Variants in MAGI1 observed in about 807,000 individuals in gnomAD.
MAGI1 encodes membrane-associated guanylate kinase, WW and PDZ domain-containing protein 1.
In MAGI1, 58 loss-of-function variants were observed where a neutral mutation model predicts 139.9. The ratio of observed to expected loss-of-function variants is 0.41; its 90% CI spans 0.34 to 0.52. MAGI1 has a LOEUF of 0.52. Among genes scored for constraint, MAGI1 ranks in the 20% least tolerant of loss-of-function variants. The pLI is 0.12. For missense variants in MAGI1, 1,874 were observed against 1,901.6 expected, an observed-to-expected ratio of 0.99 and a Z score of 0.27; for synonymous variants, 812 against 737.9, an observed-to-expected ratio of 1.10 and a Z score of -1.63.
chr3:65,590,608 T>C (rs1405337082), intron 2 of MAGI1, among the ~76,000 whole-genome samples: 3 of 152,260 alleles, frequency 2.0e-5, no homozygotes, highest in Middle Eastern at 3.4e-3. Flanking sequence ...TACTTAGCTG[T>C]CCCCCCCATT....
chr3:65,663,912 C>A (rs1328794604), intron 1 of MAGI1, among the ~76,000 whole-genome samples: 1 of 152,078 alleles, frequency 6.6e-6, no homozygotes, highest in Non-Finnish European at 1.5e-5. Context: ...AACCACTGAC[C>A]TATAGCAAAG....
intron 1 of MAGI1, chr3:65,907,521 T>C (rs556235876): frequency 6.6e-6 from 1 of 152,300 alleles, no homozygotes; most frequent in Non-Finnish European, 1.5e-5. Flanking sequence ...TATGGAAATA[T>C]AAGCAACGTT....
chr3:65,484,773 C>A (rs1951524114), intron 3 of MAGI1, among the ~76,000 whole-genome samples: 1 of 152,170 alleles, frequency 6.6e-6, no homozygotes, highest in African/African-American at 2.4e-5. Flanking sequence ...ACCTGCTCAT[C>A]CTCAGCAACA....
intron 1 of MAGI1, among the ~76,000 whole-genome samples, chr3:66,001,396 T>C (rs1025475133): frequency 3.9e-5 from 6 of 152,184 alleles, no homozygotes; most frequent in African/African-American, 1.4e-4. Flanking sequence ...CACCAACTTA[T>C]CCACAGACCA....
At chr3:65,677,828 C>G (rs910779811) in intron 1 of MAGI1, among the ~76,000 whole-genome samples, 11 of 152,196 alleles carry the variant, frequency 7.2e-5, no homozygotes, top group Non-Finnish European at 1.2e-4. Flanking sequence ...AGACAAAAAT[C>G]CAACACCATA....
chr3:65,732,253 C>T (rs758599042), intron 1 of MAGI1, among the ~76,000 whole-genome samples: 16 of 152,204 alleles, frequency 1.1e-4, no homozygotes, highest in Non-Finnish European at 1.9e-4. Flanking sequence ...AGGTAAAACA[C>T]ACAGACAAGC....
chr3:65,565,441 T>C (rs2080569059), intron 2 of MAGI1, among the ~76,000 whole-genome samples: 1 of 151,990 alleles, frequency 6.6e-6, no homozygotes, highest in Non-Finnish European at 1.5e-5. Context: ...AAAACAAAAC[T>C]CAGTGGTCAT....
intron 1 of MAGI1, among the ~76,000 whole-genome samples, chr3:65,695,486 G>C (rs574977809): frequency 6.6e-6 from 1 of 152,296 alleles, no homozygotes; most frequent in Non-Finnish European, 1.5e-5. Flanking sequence ...CCTCTGCTTA[G>C]ACTGCCCATT....
At chr3:65,601,600 C>T (rs1380650587) in intron 2 of MAGI1, among the ~76,000 whole-genome samples, 1 of 151,828 alleles carries the variant, frequency 6.6e-6, no homozygotes, top group Non-Finnish European at 1.5e-5. Flanking sequence ...GAAGTTGGAC[C>T]CCCACCTCCA....
At chr3:65,503,459 C>G (rs568168076) in intron 2 of MAGI1, among the ~76,000 whole-genome samples, 352 of 152,278 alleles carry the variant, frequency 2.3e-3, no homozygotes, top group Non-Finnish European at 3.0e-3. Context: ...TAACAAAGGT[C>G]AGAAACAGGA....
intron 2 of MAGI1, among the ~76,000 whole-genome samples, chr3:65,538,073 T>C (rs2079041543): frequency 6.6e-6 from 1 of 152,192 alleles, no homozygotes; most frequent in South Asian, 2.1e-4. Context: ...AGGCAGAGGT[T>C]GCAGTGAGCT....
chr3:65,886,434 G>A (rs1382856779), intron 1 of MAGI1, among the ~76,000 whole-genome samples: 1 of 152,114 alleles, frequency 6.6e-6, no homozygotes, highest in East Asian at 1.9e-4. Flanking sequence ...AGCAAAGACT[G>A]AGTTACCTCC....
chr3:65,422,217 A>G (rs1946677433), intron 12 of MAGI1, among the ~76,000 whole-genome samples: 1 of 152,162 alleles, frequency 6.6e-6, no homozygotes, highest in African/African-American at 2.4e-5. Context: ...GAGAAACTGA[A>G]ATTTAAATCT....
intron 22 of MAGI1, 55 bp downstream of exon 22, chr3:65,361,144 C>A (rs1454439880): frequency 3.7e-6 from 6 of 1,613,792 alleles, no homozygotes; most frequent in South Asian, 2.2e-5. Context: ...GTTCTGGAGA[C>A]AAATTCATGG....
chr3:65,726,841 G>A (rs964189740), intron 1 of MAGI1, among the ~76,000 whole-genome samples: 1 of 150,866 alleles, frequency 6.6e-6, no homozygotes, highest in Non-Finnish European at 1.5e-5. Flanking sequence ...ACCATTATCC[G>A]TTATAGCCAT....
intron 3 of MAGI1, among the ~76,000 whole-genome samples, chr3:65,492,340 A>T (rs754767293): frequency 6.6e-6 from 1 of 152,244 alleles, no homozygotes; most frequent in African/African-American, 2.4e-5. Context: ...ATCTGATCCT[A>T]TGGATATGTT....
intron 5 of MAGI1, among the ~76,000 whole-genome samples, chr3:65,460,447 T>A (rs887773112): frequency 3.3e-5 from 5 of 152,106 alleles, no homozygotes; most frequent in Admixed American, 3.3e-4. Context: ...TTTTCAGGAG[T>A]TCTTAAATAT....
intron 1 of MAGI1, among the ~76,000 whole-genome samples, chr3:65,889,330 C>T (rs2060650906): frequency 6.6e-6 from 1 of 152,212 alleles, no homozygotes; most frequent in African/African-American, 2.4e-5. Flanking sequence ...AGAACCCCTT[C>T]TGTTTCTGTC....
intron 2 of MAGI1, among the ~76,000 whole-genome samples, chr3:65,541,077 C>A (rs1388877020): frequency 6.6e-6 from 1 of 152,086 alleles, no homozygotes; most frequent in Non-Finnish European, 1.5e-5. Context: ...AAACTGAAAT[C>A]TGAACATATA....
Sources: gnomAD v4.1 joint callset for allele counts (sites outside exome capture counted in the v4.1 genomes callset) on GRCh38, gnomAD v4.1.1 for gene constraint, MANE v1.5 for transcripts, NCBI Gene and HGNC (gene_info 2026-07-23, HGNC 2026-07-21) for gene names.